PTPRQ: variants seen among roughly 807,000 people sequenced by gnomAD.
PTPRQ encodes the protein protein tyrosine phosphatase receptor type Q.
In PTPRQ, 199 loss-of-function variants were observed where a neutral mutation model predicts 246.0. The ratio of observed to expected loss-of-function variants is 0.81; its 90% CI spans 0.72 to 0.91. The LOEUF (loss-of-function observed/expected upper bound fraction) is 0.91, where lower values mean the gene tolerates loss of function less well. PTPRQ is among the 40% of genes least tolerant of loss of function. The probability of loss-of-function intolerance (pLI) is 0.00; values close to 1 mark genes in which losing one functional copy is unlikely to be tolerated. For missense variants in PTPRQ, 2,624 were observed against 2,528.4 expected (o/e 1.04, Z -0.81); for synonymous variants, 869 against 853.2 (o/e 1.02, Z -0.32).
intron 35 of PTPRQ, among the ~76,000 whole-genome samples, chr12:80,644,049 G>GTT (rs1899984189): frequency 6.6e-6 from 1 of 152,114 alleles, no homozygotes; most frequent in Non-Finnish European, 1.5e-5. Flanking sequence ...ATCATCTGTG[G>GTT]CTCTCTATTA....
chr12:80,657,809 A>G (rs536553818), intron 38 of PTPRQ, among the ~76,000 whole-genome samples, 176 bp from the exon 39 acceptor site: 1 of 152,036 alleles, frequency 6.6e-6, no homozygotes, highest in African/African-American at 2.4e-5. Context: ...GGACATATTA[A>G]TAGTCATTGT....
At chr12:80,466,087 G>T (rs916453737) in intron 6 of PTPRQ, among the ~76,000 whole-genome samples, 2 of 152,294 alleles carry the variant, frequency 1.3e-5, no homozygotes, top group East Asian at 1.9e-4. Context: ...CAGACGACAT[G>T]ATTGTGTATC....
intron 25 of PTPRQ, among the ~76,000 whole-genome samples, chr12:80,572,802 A>C (rs944729533): frequency 5.3e-5 from 8 of 152,186 alleles, no homozygotes; most frequent in African/African-American, 1.9e-4. Context: ...GTGATAAGTT[A>C]CATGGTTTAT....
intron 20 of PTPRQ, 92 bp downstream of exon 20, chr12:80,540,036 A>T: frequency 8.9e-7 from 1 of 1,124,966 alleles, no homozygotes; most frequent in Non-Finnish European, 1.2e-6. Context: ...TTGTAATAAC[A>T]TCTTTTATTT....
At chr12:80,527,796 G>A (rs1026228720) in intron 17 of PTPRQ, among the ~76,000 whole-genome samples, 146 of 152,104 alleles carry the variant, frequency 9.6e-4, no homozygotes, top group African/African-American at 3.3e-3. Context: ...GACCAGCGTG[G>A]GCACCATAAC....
intron 14 of PTPRQ, among the ~76,000 whole-genome samples, chr12:80,501,327 G>A (rs550300936): frequency 2.0e-5 from 3 of 152,088 alleles, no homozygotes; most frequent in African/African-American, 7.2e-5. Flanking sequence ...TTGAAGTAAA[G>A]AGAAAAATGA....
At chr12:80,652,668 A>G (rs2121232345) in intron 37 of PTPRQ, 76 bp from the exon 38 acceptor site, 2 of 1,379,496 alleles carry the variant, frequency 1.4e-6, no homozygotes, top group Non-Finnish European at 1.9e-6. Context: ...TTTAGGACAA[A>G]TAACTGTCTT....
chr12:80,601,942 A>G (rs1374297117), intron 26 of PTPRQ, among the ~76,000 whole-genome samples: 2 of 151,764 alleles, frequency 1.3e-5, no homozygotes, highest in African/African-American at 4.8e-5. Flanking sequence ...TATGTGTATG[A>G]TTCCTTGATA....
At chr12:80,542,925 A>C (rs1210605145) in intron 23 of PTPRQ, 44 bp downstream of exon 23, 22 of 1,248,838 alleles carry the variant, frequency 1.8e-5, no homozygotes, top group Non-Finnish European at 2.1e-5. Context: ...AAAAATCAGA[A>C]ATTGAATTAA....
intron 4 of PTPRQ, among the ~76,000 whole-genome samples, chr12:80,458,764 A>T (rs1039166643): frequency 6.6e-6 from 1 of 152,074 alleles, no homozygotes; most frequent in African/African-American, 2.4e-5. Flanking sequence ...ATAATTAATA[A>T]TTGATAGAAA....
At chr12:80,635,678 G>GA (rs1899620393) in intron 35 of PTPRQ, among the ~76,000 whole-genome samples, 1 of 151,784 alleles carries the variant, frequency 6.6e-6, no homozygotes, top group Non-Finnish European at 1.5e-5. Context: ...TAATTTTAAA[G>GA]AAAAAATAAT....
At chr12:80,611,397 T>G (rs1898546126) in intron 28 of PTPRQ, among the ~76,000 whole-genome samples, 1 of 150,290 alleles carries the variant, frequency 6.7e-6, no homozygotes, top group African/African-American at 2.4e-5. Flanking sequence ...TTACAGCTAG[T>G]TTTTTTCGTT....
intron 8 of PTPRQ, among the ~76,000 whole-genome samples, chr12:80,473,934 G>A (rs1014388817): frequency 6.6e-5 from 10 of 152,268 alleles, no homozygotes; most frequent in Admixed American, 6.5e-5. Context: ...GTCTTAGAGG[G>A]GCCTCCTGGC....
chr12:80,493,423 G>A lies in PTPRQ; in HGVS notation c.1508G>A (p.Arg503Lys). The A allele has an allele frequency of 6.5e-7, 1 of 1,549,462 alleles. No individual in the cohort carries two copies. The highest frequency in any genetic ancestry group is 8.7e-7 in the Non-Finnish European group (1 of 1,145,658). ...NSHPDKNFPA[R>K]NRAEDQTSPV... ...CATCCAGATAAAAACTTTCCTGCAAGGAATAGAGCTGAAGACCAGACTTCA... is the reference window on the plus strand; with the variant it reads ...CATCCAGATAAAAACTTTCCTGCAAAGAATAGAGCTGAAGACCAGACTTCA... The change falls in exon 10 of 45, where the codon AGG becomes AAG. Residue 503 changes from arginine to lysine, a missense_variant. Physicochemically the swap from Arg to Lys is conservative, Grantham distance 26. Coordinates refer to ENST00000644991, the MANE Select transcript of PTPRQ (RefSeq NM_001145026.2).
intron 8 of PTPRQ, 97 bp downstream of exon 8, chr12:80,472,348 C>T: frequency 1.4e-6 from 2 of 1,459,544 alleles, no homozygotes; most frequent in Non-Finnish European, 1.8e-6. Flanking sequence ...TTTACATTTA[C>T]TTAAATCATG....
intron 25 of PTPRQ, among the ~76,000 whole-genome samples, chr12:80,573,821 T>C (rs1035792859): frequency 6.6e-6 from 1 of 152,208 alleles, no homozygotes; most frequent in African/African-American, 2.4e-5. Flanking sequence ...ATGTTCTCTA[T>C]TGTTTTTGTG....
chr12:80,523,151 A>G (rs993771861), intron 17 of PTPRQ, among the ~76,000 whole-genome samples: 17 of 152,200 alleles, frequency 1.1e-4, no homozygotes, highest in African/African-American at 3.6e-4. Context: ...TTATTTGCAT[A>G]GAGGTGTTTA....
Position 80,444,395 on chromosome 12 carries a change from C to T in PTPRQ, c.50C>T (p.Thr17Ile), listed in dbSNP as rs60216135. The T allele has an allele frequency of 0.034, 50,089 of 1,454,900 alleles. 2,756 individuals carry two copies. Among genetic ancestry groups the T allele is most frequent in the African/African-American group, 0.23 (15,593 of 68,802 alleles). 90.1% of individuals were successfully genotyped at this position (1,454,900 alleles called of 1,614,324 possible). A position where few individuals can be genotyped will look rare whatever the true frequency, so the allele number is the denominator to read the frequency against. Residue 17 changes from threonine (T) to isoleucine (I), a missense_variant, in exon 1 of 45, where the codon ACA becomes ATA. Coordinates refer to ENST00000644991, the MANE Select transcript of PTPRQ (RefSeq NM_001145026.2). ...FLLLFIGTSE[T>I]QVDVSNVVPG... is the part of the protein sequence containing the mutation. ...TTACTTTTTATTGGGACTTCAGAGA[C>T]ACAGGTATTTCGTATACACTCTTTA...
intron 25 of PTPRQ, among the ~76,000 whole-genome samples, chr12:80,563,754 G>A (rs1896896819): frequency 6.6e-6 from 1 of 152,090 alleles, no homozygotes; most frequent in Non-Finnish European, 1.5e-5. Context: ...CCTTTTCACT[G>A]ATGTCCACAT....
Sources: allele counts gnomAD v4.1 joint callset (sites outside exome capture counted in the v4.1 genomes callset), GRCh38; gene constraint gnomAD v4.1.1; transcripts MANE v1.5; gene names NCBI Gene and HGNC (gene_info 2026-07-23, HGNC 2026-07-21).